ABCA1: variants seen among roughly 807,000 people sequenced by gnomAD.
ABCA1 encodes ATP binding cassette subfamily A member 1, also known as phospholipid-transporting ATPase ABCA1.
A neutral mutation model predicts 262.5 loss-of-function variants in ABCA1; 133 were observed. That is an observed-to-expected ratio of 0.51 (90% CI 0.44 to 0.59). The LOEUF (loss-of-function observed/expected upper bound fraction) is 0.59. ABCA1 is among the 20% of genes least tolerant of loss of function. ABCA1 has a pLI of 0.00. For synonymous variants in ABCA1, 1,022 were observed against 1,043.5 expected (o/e 0.98, Z 0.40); for missense variants, 2,452 against 2,777.5 (o/e 0.88, Z 2.63).
At chr9:104,913,881 C>T (rs1216365520) in intron 1 of ABCA1, among the ~76,000 whole-genome samples, 1 of 152,092 alleles carries the variant, frequency 6.6e-6, no homozygotes, top group East Asian at 1.9e-4. Flanking sequence ...CTGCAAGCTC[C>T]GCCTCCCGGC....
chr9:104,831,146 CAATAA>C, intron 13 of ABCA1, 45 bp from the exon 14 acceptor site: 1 of 720,990 alleles, frequency 1.4e-6, no homozygotes, highest in South Asian at 2.1e-5. Flanking sequence ...TAGAACCATA[CAATAA>C]AAAAAAAAAA....
chr9:104,861,805 T>A lies in ABCA1; in HGVS notation c.422-5A>T. 6.2e-7 allele frequency: 1 copy of A among 1,611,050 alleles called. No individual in the cohort carries two copies. The highest frequency in any genetic ancestry group is 1.1e-5 in the South Asian group (1 of 90,890). On this transcript the variant is annotated splice_region_variant and splice_polypyrimidine_tract_variant and intron_variant, in intron 5 of 49. Coordinates refer to ENST00000374736, the MANE Select transcript of ABCA1 (RefSeq NM_005502.4). ...GGAAATCTTGAAGCTTCAAGTCTATTGAGAAATAGTGTTTTATTTTTATTT... is the reference window on the plus strand; with the variant it reads ...GGAAATCTTGAAGCTTCAAGTCTATAGAGAAATAGTGTTTTATTTTTATTT...
At chr9:104,812,513 G>A (rs1831369163) in intron 28 of ABCA1, 61 bp downstream of exon 28, 3 of 1,608,894 alleles carry the variant, frequency 1.9e-6, no homozygotes, top group African/African-American at 1.3e-5. Flanking sequence ...GCCTTCACTG[G>A]TCACAGAGCC....
chr9:104,836,899 C>T (rs1833861224), intron 11 of ABCA1, 81 bp downstream of exon 11: 1 of 1,101,458 alleles, frequency 9.1e-7, no homozygotes, highest in Middle Eastern at 2.0e-4. Flanking sequence ...ATTCTCACCT[C>T]ACTCACACCT....
At chr9:104,862,693 CCGGGCCGGCCCCCA>C (rs1564199695) in intron 5 of ABCA1, among the ~76,000 whole-genome samples, 2 of 10,760 alleles carry the variant, frequency 1.9e-4, no homozygotes, top group Non-Finnish European at 4.0e-4. Flanking sequence ...CCGGGCCGGG[CCGGGCCGGCCCCCA>C]CCCCCACCCC....
rs769609421 is a variant in ABCA1 at position 104,840,284 on chromosome 9, G to C, written c.1049C>G (p.Ser350Cys). ...GGGTCTGCATGGACACTCACTTGTA[G>C]AGTTGTCATAGAAGGTTTCAGCATC... ...EEDAETFYDN[S>C]TTPYCNDLMK... is the part of the protein sequence containing the mutation. Residue 350 changes from serine to cysteine, a missense_variant, in exon 9 of 50, where the codon TCT (serine) becomes TGT (cysteine). Physicochemically the swap from Ser to Cys is moderately radical, Grantham distance 112. Transcript: ENST00000374736. 2.5e-6 allele frequency: 4 copies of C among 1,614,128 alleles called. No homozygotes were observed. Among genetic ancestry groups the C allele is most frequent in the Non-Finnish European group, 3.4e-6 (4 of 1,180,052 alleles).
intron 11 of ABCA1, among the ~76,000 whole-genome samples, chr9:104,833,207 T>A (rs1833497159): frequency 2.6e-5 from 4 of 152,206 alleles, no homozygotes. Context: ...TTGGATTCAG[T>A]GTCTCGCTCT....
chr9:104,830,695 A>T (rs2482416), intron 14 of ABCA1, among the ~76,000 whole-genome samples: 478 of 152,258 alleles, frequency 3.1e-3, no homozygotes, highest in Non-Finnish European at 5.4e-3. Flanking sequence ...ATCTCAAAAA[A>T]AAAAATAAAA....
intron 17 of ABCA1, 78 bp downstream of exon 17, chr9:104,825,605 C>T (rs62566037): frequency 2.1e-6 from 3 of 1,443,240 alleles, no homozygotes; most frequent in East Asian, 2.3e-5. Flanking sequence ...GAAGCCCATG[C>T]ACTGCAGAGA....
At position 104,785,443 on chromosome 9, in the gene ABCA1, G is replaced by A. The variant is rs755264102; in HGVS notation, c.6598C>T (p.Arg2200Ter). ...ACAGAGTAGTCTTCTATGTGGAGTC[G>A]CTTTTTGCTCTGGGAGAGGATGCTG... Reference protein sequence around the residue: ...IFSILSQSKKRLHIEDYSVSQ... With the variant: ...IFSILSQSKK The change falls in exon 49 of 50, where the codon CGA becomes TGA. Residue 2200 changes from arginine (R) to a stop codon, truncating the protein, a stop_gained. Coordinates refer to ENST00000374736, the MANE Select transcript of ABCA1 (RefSeq NM_005502.4). LOFTEE classifies it high-confidence loss of function. 2.5e-6 allele frequency: 4 copies of A among 1,613,890 alleles called. No homozygotes were observed. Among genetic ancestry groups the A allele is most frequent in the Non-Finnish European group, 3.4e-6 (4 of 1,179,908 alleles).
At position 104,903,696 on chromosome 9, in the gene ABCA1, C is replaced by T. The variant is rs1169121101; in HGVS notation, c.-17G>A. On this transcript the variant is annotated 5_prime_UTR_variant, in exon 2 of 50. The change creates a new upstream start codon in the 5' untranslated region. Transcript: ENST00000374736. ...ACAAGCCATGTTCCCTCAGCCAGCA[C>T]CCCCAGCGTGTGGCTCGGGAGCCCT... 5 of 1,572,920 alleles carry T rather than the reference C, an allele frequency of 3.2e-6. No homozygotes were observed. Among genetic ancestry groups the T allele is most frequent in the Admixed American group, 1.9e-5 (1 of 53,608 alleles).
intron 5 of ABCA1, among the ~76,000 whole-genome samples, chr9:104,873,743 T>C (rs1837852205): frequency 6.6e-6 from 1 of 152,212 alleles, no homozygotes; most frequent in African/African-American, 2.4e-5. Context: ...ACAAGCCTGG[T>C]ACCTATGCTG....
intron 5 of ABCA1, among the ~76,000 whole-genome samples, chr9:104,866,231 A>AG (rs1837076898): frequency 6.6e-6 from 1 of 152,206 alleles, no homozygotes. Context: ...TCTGGGTAGT[A>AG]GGAAGGGGAG....
Position 104,806,268 on chromosome 9 carries a change from T to C in ABCA1, c.4437A>G (p.Pro1479=). 1 of 1,613,578 alleles carries C rather than the reference T, an allele frequency of 6.2e-7. No individual in the cohort carries two copies. The highest frequency in any genetic ancestry group is 8.5e-7 in the Non-Finnish European group (1 of 1,180,006). The change falls in exon 31 of 50, where the codon CCA becomes CCG. Residue 1479 remains proline, a synonymous_variant. Coordinates refer to ENST00000374736, the MANE Select transcript of ABCA1 (RefSeq NM_005502.4). ...KIKKMLPVCP[P]GAGGLPPPQR... ...GTGGAGGAGGCAGCCCCCCTGCCCC[T>C]GGGGGACACACAGGCAGCATCTTCT... is the stretch of plus-strand genomic sequence containing the variant.
chr9:104,916,647 T>G lies in ABCA1; in HGVS notation c.-93+11288A>C, dbSNP rs1448059805. Among the ~76,000 whole-genome samples the G allele has an allele frequency of 2.0e-5, 3 of 152,324 alleles. No homozygotes were observed. The East Asian group carries it at 5.8e-4, about 29-fold the overall frequency. ...CTGGAGAATAAATTTAGCACGCCAT[T>G]CTACCACTGTGGGTAATGGAACAGA... On this transcript the variant is annotated intron_variant, in intron 1 of 49. Coordinates refer to ENST00000374736, the MANE Select transcript of ABCA1 (RefSeq NM_005502.4).
At position 104,784,407 on chromosome 9, in the gene ABCA1, C is replaced by A; in HGVS notation, c.6694G>T (p.Asp2232Tyr). ...KDQSDDDHLK[D>Y]LSLHKNQTVV... is the part of the protein sequence containing the mutation. The stretch of plus-strand genomic sequence containing the variant: ...GTCTGGTTTTTGTGTAATGAGAGGT[C>A]TTTTAAGTGGTCATCATCACTTTGG... The change falls in exon 50 of 50, where the codon GAC becomes TAC. Residue 2232 changes from aspartate to tyrosine, a missense_variant. Transcript: ENST00000374736. 1 of 1,614,088 alleles carries A rather than the reference C, an allele frequency of 6.2e-7. No individual in the cohort carries two copies. Among genetic ancestry groups the A allele is most frequent in the South Asian group, 1.1e-5 (1 of 91,088 alleles).
Position 104,817,287 on chromosome 9 carries a change from G to C in ABCA1, c.3535+45C>G, listed in dbSNP as rs376420562. On this transcript the variant is annotated intron_variant, in intron 24 of 49. Coordinates refer to ENST00000374736, the MANE Select transcript of ABCA1 (RefSeq NM_005502.4). This position sits in a 1 kb window ranked among gnomAD's most constrained non-coding sequence, Gnocchi z 4.7. Reference sequence around the variant, plus strand: ...CTCTGCCTCCACTCTGCCCAGCTGGGGGAAGCTCAGGCACCACCTGAATAA... The same window carrying C: ...CTCTGCCTCCACTCTGCCCAGCTGGCGGAAGCTCAGGCACCACCTGAATAA... 4 of 1,613,790 alleles carry C rather than the reference G, an allele frequency of 2.5e-6. No homozygotes were observed. The African/African-American group carries it at 5.3e-5, about 22-fold the overall frequency.
At chr9:104,801,746 G>A (rs1830358138) in intron 34 of ABCA1, among the ~76,000 whole-genome samples, 2 of 152,126 alleles carry the variant, frequency 1.3e-5, no homozygotes, top group African/African-American at 4.8e-5. Context: ...GTTTTGTCAT[G>A]TAGGCCAGGC....
At chr9:104,837,340 A>G (rs1279091557) in intron 10 of ABCA1, 88 bp downstream of exon 10, 2 of 1,549,004 alleles carry the variant, frequency 1.3e-6, no homozygotes, top group African/African-American at 2.7e-5. Flanking sequence ...GAGTATACTT[A>G]GCGCACACCT....
Sources: allele counts gnomAD v4.1 joint callset (sites outside exome capture counted in the v4.1 genomes callset), GRCh38; gene constraint gnomAD v4.1.1; non-coding constraint Gnocchi (gnomAD v3.1); transcripts MANE v1.5; gene names NCBI Gene and HGNC (gene_info 2026-07-23, HGNC 2026-07-21).